Variants in CSPP1 observed in about 807,000 individuals in gnomAD.
The protein encoded by CSPP1 is centrosome and spindle pole associated protein 1, also known as centrosome and spindle pole-associated protein 1.
CSPP1 carries 126 observed loss-of-function variants against 164.4 expected under a neutral mutation model. The observed-to-expected ratio is 0.77, with a 90% CI of 0.66 to 0.89. The LOEUF (loss-of-function observed/expected upper bound fraction) is 0.89. CSPP1 is among the 40% of genes least tolerant of loss of function. The probability of loss-of-function intolerance (pLI) is 0.00; values close to 1 mark genes in which losing one functional copy is unlikely to be tolerated. For synonymous variants in CSPP1, 472 were observed against 476.7 expected (o/e 0.99, Z 0.13); for missense variants, 1,395 against 1,449.8 (o/e 0.96, Z 0.61).
chr8:67,102,675 A>T (rs2129547020), intron 7 of CSPP1, among the ~76,000 whole-genome samples: 1 of 152,310 alleles, frequency 6.6e-6, no homozygotes, highest in East Asian at 1.9e-4. Flanking sequence ...TTGAATTTTG[A>T]CTATAATCTT....
intron 21 of CSPP1, among the ~76,000 whole-genome samples, chr8:67,159,903 TCTTTCTTTCTTTCTTTCTTTC>T (rs1458687543): frequency 1.4e-4 from 10 of 70,024 alleles, no homozygotes; most frequent in East Asian, 3.8e-4. Context: ...TTTCTTTCTT[TCTTTCTTTCTTTCTTTCTTTC>T]CTTTCCTTCC....
chr8:67,100,692 A>G (rs1813872217), intron 7 of CSPP1, among the ~76,000 whole-genome samples: 1 of 150,690 alleles, frequency 6.6e-6, no homozygotes, highest in Non-Finnish European at 1.5e-5. Context: ...CAGTCCTCCC[A>G]CTTTAGCCTC....
At position 67,159,904 on chromosome 8, in the gene CSPP1, C is replaced by CTT. The variant is rs761610470; in HGVS notation, c.2538+769_2538+770dup. On this transcript the variant is annotated intron_variant, in intron 21 of 30. Coordinates refer to ENST00000678616, the MANE Select transcript of CSPP1 (RefSeq NM_001382391.1). ...TCTTTCTTTCTTTCTTTCTTTCTTT[C>CTT]TTTCTTTCTTTCTTTCTTTCCTTTC... 4.5e-5 allele frequency among the ~76,000 whole-genome samples: 3 copies of CTT among 66,864 alleles called. No homozygotes were observed. In the East Asian group the frequency reaches 1.2e-3, roughly 26 times the overall value. 43.9% of individuals were successfully genotyped at this position (66,864 alleles called of 152,430 possible).
chr8:67,118,427 T>A (rs1383185048), intron 14 of CSPP1, 58 bp downstream of exon 14: 3 of 1,579,148 alleles, frequency 1.9e-6, no homozygotes, highest in Non-Finnish European at 2.6e-6. Context: ...GGAAAATTGT[T>A]TTTTTGTGTA....
chr8:67,183,688 C>A (rs553199514), intron 28 of CSPP1, among the ~76,000 whole-genome samples: 26 of 152,182 alleles, frequency 1.7e-4, no homozygotes, highest in African/African-American at 6.3e-4. Context: ...TGTATGCATT[C>A]AGTTAAATGT....
chr8:67,185,651 TG>T (rs1409989292), intron 28 of CSPP1, among the ~76,000 whole-genome samples: 1 of 152,062 alleles, frequency 6.6e-6, no homozygotes, highest in Non-Finnish European at 1.5e-5. Flanking sequence ...GTGAAACTCT[TG>T]AAGTATATCT....
intron 5 of CSPP1, among the ~76,000 whole-genome samples, chr8:67,092,386 A>G (rs969877334): frequency 4.6e-5 from 7 of 152,232 alleles, no homozygotes; most frequent in Non-Finnish European, 1.0e-4. Flanking sequence ...ATCAGAGATC[A>G]TGAAATAGTA....
intron 25 of CSPP1, chr8:67,172,804 G>T (rs891988729): frequency 2.1e-5 from 7 of 336,056 alleles, no homozygotes; most frequent in Non-Finnish European, 3.8e-5. Context: ...GGATGAGATC[G>T]CATAGACTAG....
rs1246502898 is a variant in CSPP1, at chr8:67,163,637, T to C, written c.2644-95T>C. 1.4e-5 allele frequency: 12 copies of C among 866,346 alleles called. No individual in the cohort carries two copies. The African/African-American group carries it at 1.9e-4, about 14-fold the overall frequency. 53.7% of individuals were successfully genotyped at this position (866,346 alleles called of 1,614,324 possible). On this transcript the variant is annotated intron_variant, in intron 22 of 30. Transcript: ENST00000678616. Reference sequence around the variant, plus strand: ...GAGGTAGGATAGTGTGGAGTTTGGTTTCCTTTACATATAAATACTTCAAAA... The same window carrying C: ...GAGGTAGGATAGTGTGGAGTTTGGTCTCCTTTACATATAAATACTTCAAAA...
At position 67,137,539 on chromosome 8, in the gene CSPP1, A is replaced by C. The variant is rs561521861; in HGVS notation, c.1911A>C (p.Thr637=). The part of the protein sequence containing the change: ...YEAKLEAEMR[T]YNPWGKGGGG... ...CTAAATTAGAAGCTGAAATGAGAAC[A>C]TATAATCCCTGGGGAAAAGGTGGAG... Residue 637 remains threonine (T), a synonymous_variant, in exon 17 of 31, where the codon ACA becomes ACC. Coordinates refer to ENST00000678616, the MANE Select transcript of CSPP1 (RefSeq NM_001382391.1). 1 of 1,597,316 alleles carries C rather than the reference A, an allele frequency of 6.3e-7. No homozygotes were observed. Among genetic ancestry groups the C allele is most frequent in the South Asian group, 1.1e-5 (1 of 87,928 alleles).
At chr8:67,160,896 G>C (rs1030949193) in intron 21 of CSPP1, among the ~76,000 whole-genome samples, 3 of 151,772 alleles carry the variant, frequency 2.0e-5, no homozygotes. Flanking sequence ...GTGCAATCTC[G>C]GCTCACTGCA....
At chr8:67,146,977 G>A (rs1824715225) in intron 17 of CSPP1, among the ~76,000 whole-genome samples, 1 of 152,172 alleles carries the variant, frequency 6.6e-6, no homozygotes, top group Non-Finnish European at 1.5e-5. Flanking sequence ...GGAGTGGCCA[G>A]TTGCCAAATC....
rs569956227 is a variant in CSPP1 at position 67,193,585 on chromosome 8, A to G, written c.3452A>G (p.Asn1151Ser). The change falls in exon 30 of 31, where the codon AAT becomes AGT. Residue 1151 changes from asparagine to serine, a missense_variant. By Grantham distance (46) the Asn-to-Ser change is conservative. Coordinates refer to ENST00000678616, the MANE Select transcript of CSPP1 (RefSeq NM_001382391.1). ...ERMRRLNEFH[N>S]KPINTDDESS... ...ATGCGAAGACTGAATGAATTTCACA[A>G]TAAACCTATTAATACAGGTAAATGA... The G allele has an allele frequency of 4.3e-5, 69 of 1,613,570 alleles. 1 individual carries two copies. In the South Asian group the frequency reaches 6.7e-4, roughly 16 times the overall value.
chr8:67,124,003 C>A (rs1819557724), intron 15 of CSPP1, among the ~76,000 whole-genome samples: 1 of 150,122 alleles, frequency 6.7e-6, no homozygotes, highest in Non-Finnish European at 1.5e-5. Flanking sequence ...GGGTTCATGT[C>A]ATTCTCCTGC....
intron 15 of CSPP1, among the ~76,000 whole-genome samples, chr8:67,127,732 C>A (rs1410457702): frequency 6.6e-6 from 1 of 152,214 alleles, no homozygotes; most frequent in Admixed American, 6.5e-5. Flanking sequence ...TAAGATCCTT[C>A]ATGCCCATTT....
intron 18 of CSPP1, among the ~76,000 whole-genome samples, chr8:67,151,923 A>G (rs1825772343): frequency 6.6e-6 from 1 of 151,640 alleles, no homozygotes; most frequent in Admixed American, 6.6e-5. Flanking sequence ...CCCCGTCTCT[A>G]CTAAAAATAC....
At chr8:67,131,224 G>A (rs1054731514) in intron 15 of CSPP1, among the ~76,000 whole-genome samples, 1 of 151,926 alleles carries the variant, frequency 6.6e-6, no homozygotes, top group Non-Finnish European at 1.5e-5. Flanking sequence ...GAAAGACTTC[G>A]TCTCTAAAAA....
chr8:67,140,677 G>A (rs1157804677), intron 17 of CSPP1, among the ~76,000 whole-genome samples: 3 of 152,182 alleles, frequency 2.0e-5, no homozygotes, highest in African/African-American at 7.2e-5. Flanking sequence ...TTAATGGAAA[G>A]TGCTGTAATA....
At chr8:67,164,602 C>T in intron 24 of CSPP1, 94 bp downstream of exon 24, 1 of 600,222 alleles carries the variant, frequency 1.7e-6, no homozygotes, top group South Asian at 2.7e-5. Flanking sequence ...AGGACTAATT[C>T]ATCTTACTTA....
Sources: gnomAD v4.1 joint callset for allele counts (sites outside exome capture counted in the v4.1 genomes callset) on GRCh38, gnomAD v4.1.1 for gene constraint, MANE v1.5 for transcripts, NCBI Gene and HGNC (gene_info 2026-07-23, HGNC 2026-07-21) for gene names.